The following CUX1 variants were observed in gnomAD, a reference collection of about 807,000 sequenced individuals.
The protein encoded by CUX1 is protein CASP.
A neutral mutation model predicts 158.8 loss-of-function variants in CUX1; 31 were observed. The observed-to-expected ratio is 0.20, with a 90% CI of 0.15 to 0.26. The LOEUF (loss-of-function observed/expected upper bound fraction) is 0.26. Ranked by LOEUF, CUX1 falls within the 10% of genes least tolerant of loss-of-function variation. The pLI, the probability that CUX1 is intolerant of heterozygous loss-of-function variation, is 1.00. For missense variants in CUX1, 1,589 were observed against 2,014.6 expected, an observed-to-expected ratio of 0.79 and a Z score of 4.04; for synonymous variants, 879 against 862.1, an observed-to-expected ratio of 1.02 and a Z score of -0.34.
intron 9 of CUX1, among the ~76,000 whole-genome samples, chr7:102,163,852 C>T (rs1472104913): frequency 3.3e-5 from 5 of 152,282 alleles, no homozygotes; most frequent in South Asian, 2.1e-4. Flanking sequence ...ATACAACATT[C>T]GTTTTCCCTG....
At chr7:102,222,527 G>A (rs782070156) in intron 20 of CUX1, among the ~76,000 whole-genome samples, 2 of 152,048 alleles carry the variant, frequency 1.3e-5, no homozygotes, top group African/African-American at 2.4e-5. Context: ...ACATGCAGAC[G>A]CCCTCAGCTC....
intron 1 of CUX1, among the ~76,000 whole-genome samples, chr7:101,838,663 C>T (rs1314604548): frequency 2.6e-5 from 4 of 151,852 alleles, no homozygotes; most frequent in East Asian, 4.0e-4. Context: ...ATTAGCAGGG[C>T]TTGGTGGCGC....
intron 20 of CUX1, among the ~76,000 whole-genome samples, chr7:102,224,398 G>A (rs1427716691): frequency 2.0e-5 from 3 of 152,062 alleles, no homozygotes; most frequent in African/African-American, 7.2e-5. Flanking sequence ...GTAGGGAGGG[G>A]GTTTCACCAC....
At chr7:101,997,074 C>G (rs548414121) in intron 2 of CUX1, among the ~76,000 whole-genome samples, 3 of 152,258 alleles carry the variant, frequency 2.0e-5, no homozygotes, top group Non-Finnish European at 4.4e-5. Flanking sequence ...CCCATCAGGG[C>G]CTGCCCATGG....
At position 102,252,760 on chromosome 7, in the gene CUX1, C is replaced by T. The variant is rs2132665558; in HGVS notation, c.*3718C>T. 6.1e-6 allele frequency: 6 copies of T among 985,576 alleles called. No individual in the cohort carries two copies. The highest frequency in any genetic ancestry group is 7.2e-6 in the Non-Finnish European group (6 of 830,024). 61.1% of individuals were successfully genotyped at this position (985,576 alleles called of 1,614,324 possible). ...AACCCCCGAGCTCCCTGGTAACCTC[C>T]TCTTGAACTTCTGTATCAGTGAAGA... On this transcript the variant is annotated 3_prime_UTR_variant, in exon 24 of 24. Transcript: ENST00000292535.
intron 8 of CUX1, among the ~76,000 whole-genome samples, chr7:102,156,492 T>C (rs1789777646): frequency 6.6e-6 from 1 of 152,092 alleles, no homozygotes; most frequent in Non-Finnish European, 1.5e-5. Context: ...GAGCAAGAAC[T>C]CATTCACTGC....
chr7:102,072,451 C>T (rs1164868684), intron 4 of CUX1, among the ~76,000 whole-genome samples: 2 of 152,170 alleles, frequency 1.3e-5, no homozygotes, highest in Non-Finnish European at 2.9e-5. Flanking sequence ...TACTTCTATG[C>T]GAACGAAGAC....
chr7:102,095,635 G>A (rs1490936673), intron 4 of CUX1, among the ~76,000 whole-genome samples: 1 of 152,154 alleles, frequency 6.6e-6, no homozygotes, highest in Non-Finnish European at 1.5e-5. Context: ...CAGGAACCTA[G>A]GGTGGTCTGA....
intron 2 of CUX1, among the ~76,000 whole-genome samples, chr7:101,928,185 A>C (rs767282623): frequency 6.6e-6 from 1 of 152,032 alleles, no homozygotes; most frequent in Admixed American, 6.6e-5. Context: ...CTAAGCCTCT[A>C]TTTTCTTATC....
chr7:101,895,084 G>C (rs369299945), intron 1 of CUX1, among the ~76,000 whole-genome samples: 6 of 152,048 alleles, frequency 3.9e-5, no homozygotes, highest in Admixed American at 3.9e-4. Context: ...GCAGTGGTGC[G>C]ATCTTGGCTC....
intron 17 of CUX1, among the ~76,000 whole-genome samples, chr7:102,275,760 A>G (rs1232666845): frequency 1.3e-5 from 2 of 152,084 alleles, no homozygotes; most frequent in Admixed American, 6.6e-5. Context: ...TGTAATCCCA[A>G]CACTTTGGGA....
intron 1 of CUX1, among the ~76,000 whole-genome samples, chr7:101,881,168 GT>G (rs1247725505): frequency 6.6e-6 from 1 of 152,210 alleles, no homozygotes; most frequent in African/African-American, 2.4e-5. Flanking sequence ...GAAAGTTAAA[GT>G]TGCTGGAGAT....
chr7:102,203,772 C>T (rs1795686301), intron 18 of CUX1, among the ~76,000 whole-genome samples: 1 of 152,052 alleles, frequency 6.6e-6, no homozygotes, highest in Admixed American at 6.6e-5. Flanking sequence ...CATATGGGAG[C>T]GTCAGAAAAC....
rs1797098946 is a variant in CUX1, at chr7:102,216,554, A to G, written c.3131-10813A>G. On this transcript the variant is annotated intron_variant, in intron 20 of 23. Transcript: ENST00000292535. The stretch of plus-strand genomic sequence containing the variant: ...CCCCCCCACACACACACACCCACAC[A>G]CGCACACACACTCCCACACACACAC... 2.0e-5 allele frequency among the ~76,000 whole-genome samples: 2 copies of G among 101,528 alleles called. 1 individual carries two copies. The highest frequency in any genetic ancestry group is 3.8e-5 in the Non-Finnish European group (2 of 52,088). 66.6% of individuals were successfully genotyped at this position (101,528 alleles called of 152,430 possible). A position where few individuals can be genotyped will look rare whatever the true frequency, so the allele number is the denominator to read the frequency against.
At chr7:102,046,962 C>T (rs777292053) in intron 3 of CUX1, among the ~76,000 whole-genome samples, 10 of 152,176 alleles carry the variant, frequency 6.6e-5, no homozygotes, top group Non-Finnish European at 1.0e-4. Context: ...GATCTTGTTG[C>T]TCATCTAGTG....
At chr7:102,061,904 T>G (rs1234634042) in intron 3 of CUX1, among the ~76,000 whole-genome samples, 1 of 152,172 alleles carries the variant, frequency 6.6e-6, no homozygotes, top group Non-Finnish European at 1.5e-5. Context: ...AACCATCAGC[T>G]TTTACTAGAT....
chr7:101,904,421 T>C (rs1287827134), intron 1 of CUX1, among the ~76,000 whole-genome samples: 4 of 152,156 alleles, frequency 2.6e-5, no homozygotes, highest in African/African-American at 9.7e-5. Context: ...GGGGGTGTGC[T>C]GAACAGATTC....
chr7:102,251,098 G>A lies in CUX1; in HGVS notation c.*2056G>A, dbSNP rs1729385020. 1 of 985,312 alleles carries A rather than the reference G, an allele frequency of 1.0e-6. No homozygotes were observed. Among genetic ancestry groups the A allele is most frequent in the East Asian group, 1.1e-4 (1 of 8,820 alleles). 61.0% of individuals were successfully genotyped at this position (985,312 alleles called of 1,614,324 possible). A position where few individuals can be genotyped will look rare whatever the true frequency, so the allele number is the denominator to read the frequency against. ...TATTGGGTATAATTTACAAGATGTAGTTGTCATACTGTATATTACTGATTG... is the reference window on the plus strand; with the variant it reads ...TATTGGGTATAATTTACAAGATGTAATTGTCATACTGTATATTACTGATTG... On this transcript the variant is annotated 3_prime_UTR_variant, in exon 24 of 24. Coordinates refer to ENST00000292535, the MANE Select transcript of CUX1 (RefSeq NM_181552.4).
At chr7:101,953,319 C>T (rs1053360648) in intron 2 of CUX1, among the ~76,000 whole-genome samples, 11 of 152,164 alleles carry the variant, frequency 7.2e-5, no homozygotes, top group South Asian at 4.1e-4. Context: ...CCACTTGGTG[C>T]GGTAAGAAGC....
Sources: allele counts gnomAD v4.1 joint callset (sites outside exome capture counted in the v4.1 genomes callset), GRCh38; gene constraint gnomAD v4.1.1; transcripts MANE v1.5; gene names NCBI Gene and HGNC (gene_info 2026-07-23, HGNC 2026-07-21).